Variants in SEL1L2 observed in about 807,000 individuals in gnomAD.
SEL1L2 encodes the protein protein sel-1 homolog 2.
Under a neutral mutation model 98.8 loss-of-function variants are expected in SEL1L2, and 89 were observed. The observed-to-expected ratio is 0.90, with a 90% CI of 0.76 to 1.07. SEL1L2 has a LOEUF of 1.07. Among genes scored for constraint, SEL1L2 ranks in the 50% least tolerant of loss-of-function variants. The pLI is 0.00. For missense variants in SEL1L2, 788 were observed against 812.0 expected (o/e 0.97, Z 0.36); for synonymous variants, 262 against 278.5 (o/e 0.94, Z 0.59).
intron 5 of SEL1L2, among the ~76,000 whole-genome samples, chr20:13,888,804 ATT>A (rs36004055): frequency 4.4e-5 from 6 of 135,044 alleles, no homozygotes; most frequent in Admixed American, 7.4e-5. Context: ...ACGCCCCGCT[ATT>A]TTTTTTTTTT....
At chr20:13,968,294 T>A (rs1251111542) in intron 1 of SEL1L2, among the ~76,000 whole-genome samples, 1 of 152,224 alleles carries the variant, frequency 6.6e-6, no homozygotes, top group Admixed American at 6.5e-5. Flanking sequence ...TCCAGAAGCC[T>A]AATTACCTCC....
At chr20:13,974,944 T>C (rs1014070706) in intron 1 of SEL1L2, among the ~76,000 whole-genome samples, 1 of 152,162 alleles carries the variant, frequency 6.6e-6, no homozygotes. Flanking sequence ...GTTTTCTTGT[T>C]TTTTTCTCCC....
chr20:13,883,920 A>C (rs1198663256), intron 10 of SEL1L2, among the ~76,000 whole-genome samples: 3 of 152,228 alleles, frequency 2.0e-5, no homozygotes, highest in Non-Finnish European at 2.9e-5. Flanking sequence ...GACAGAGTAA[A>C]ATTATGAATC....
At chr20:13,979,678 T>C (rs2051715376) in intron 1 of SEL1L2, among the ~76,000 whole-genome samples, 1 of 152,166 alleles carries the variant, frequency 6.6e-6, no homozygotes, top group African/African-American at 2.4e-5. Context: ...ATCTAGTTAC[T>C]TACAAATAAA....
chr20:13,988,071 C>T (rs2052327406), intron 1 of SEL1L2, among the ~76,000 whole-genome samples: 1 of 152,020 alleles, frequency 6.6e-6, no homozygotes, highest in Admixed American at 6.5e-5. Context: ...AAGATTTATG[C>T]CTATGTTTTC....
At chr20:13,862,749 G>A (rs1354428988) in intron 17 of SEL1L2, among the ~76,000 whole-genome samples, 2 of 151,926 alleles carry the variant, frequency 1.3e-5, no homozygotes, top group East Asian at 1.9e-4. Context: ...GTGCAGTGAT[G>A]TGATCACGGC....
intron 1 of SEL1L2, among the ~76,000 whole-genome samples, chr20:13,989,209 A>C (rs1237806923): frequency 6.6e-6 from 1 of 152,076 alleles, no homozygotes; most frequent in African/African-American, 2.4e-5. Context: ...TTTTTGTAAA[A>C]TTTATTCTTA....
At chr20:13,878,469 G>A (rs938638759) in intron 10 of SEL1L2, among the ~76,000 whole-genome samples, 1 of 152,080 alleles carries the variant, frequency 6.6e-6, no homozygotes, top group Admixed American at 6.5e-5. Flanking sequence ...ACAATGCCTG[G>A]CTATGAAGCC....
At chr20:13,986,513 G>A (rs1020338827) in intron 1 of SEL1L2, among the ~76,000 whole-genome samples, 2 of 151,448 alleles carry the variant, frequency 1.3e-5, no homozygotes, top group East Asian at 1.9e-4. Flanking sequence ...CTTTTGTCTC[G>A]CTTTTTTCAT....
At chr20:13,882,688 A>C (rs1373845791) in intron 10 of SEL1L2, among the ~76,000 whole-genome samples, 1 of 152,228 alleles carries the variant, frequency 6.6e-6, no homozygotes, top group African/African-American at 2.4e-5. Flanking sequence ...AGCTGAGGCT[A>C]ACCAAAATTG....
chr20:13,886,658 C>T (rs1201781165), intron 8 of SEL1L2, among the ~76,000 whole-genome samples: 7 of 152,014 alleles, frequency 4.6e-5, no homozygotes, highest in South Asian at 2.1e-4. Context: ...GAGGCAGAGG[C>T]GGGCAAATCA....
chr20:13,989,444 C>G (rs1183000839), intron 1 of SEL1L2, among the ~76,000 whole-genome samples: 1 of 152,150 alleles, frequency 6.6e-6, no homozygotes, highest in Admixed American at 6.5e-5. Flanking sequence ...TCTTTCCAAG[C>G]TTGATATCTT....
intron 8 of SEL1L2, among the ~76,000 whole-genome samples, chr20:13,887,240 T>C (rs1289655780): frequency 2.0e-5 from 3 of 152,220 alleles, no homozygotes; most frequent in Admixed American, 2.0e-4. Flanking sequence ...ATACAGCATC[T>C]TAAATTCAAA....
At chr20:13,900,152 G>A (rs1364614119) in intron 5 of SEL1L2, among the ~76,000 whole-genome samples, 2 of 152,098 alleles carry the variant, frequency 1.3e-5, no homozygotes, top group Admixed American at 6.5e-5. Flanking sequence ...CATAGTTATA[G>A]GTCTAGTCAA....
At chr20:13,939,043 T>TTTTTTTTTTTTTTTTTTTTTTTTC (rs1569006493) in intron 2 of SEL1L2, among the ~76,000 whole-genome samples, 2 of 117,630 alleles carry the variant, frequency 1.7e-5, no homozygotes, top group East Asian at 5.2e-4. Context: ...TTGTTTTGTT[T>TTTTTTTTTTTTTTTTTTTTTTTTC]TTTTTTTTTT....
intron 2 of SEL1L2, among the ~76,000 whole-genome samples, chr20:13,937,717 A>T (rs1174866059): frequency 1.3e-5 from 2 of 152,118 alleles, no homozygotes; most frequent in Admixed American, 1.3e-4. Context: ...CTACTCAATT[A>T]TTTATAGACA....
rs1339134247 is a variant in SEL1L2 at position 13,888,459 on chromosome 20, CT to C, written c.602del (p.Lys201ArgfsTer3). On this transcript the variant is annotated frameshift_variant and splice_region_variant, in exon 6 of 20. Transcript: ENST00000284951. LOFTEE classifies it high-confidence loss of function. ...CAGAATAAAACAGAATGATCTTTAC[CT>C]TAGCTTGATCATATTCCATTCCTAT... is the stretch of plus-strand genomic sequence containing the variant. The part of the protein sequence containing the change: ...YGIGMEYDQA[K>X]ALIYYTFGSA... 1 of 1,555,154 alleles carries C rather than the reference CT, an allele frequency of 6.4e-7. No individual in the cohort carries two copies. The highest frequency in any genetic ancestry group is 2.3e-5 in the East Asian group (1 of 44,364).
chr20:13,987,135 C>T (rs1242540010), intron 1 of SEL1L2, among the ~76,000 whole-genome samples: 1 of 151,366 alleles, frequency 6.6e-6, no homozygotes, highest in Non-Finnish European at 1.5e-5. Context: ...CCGGCCTCTC[C>T]ATTACTTTTA....
At chr20:13,945,956 C>T (rs1419834513) in intron 2 of SEL1L2, among the ~76,000 whole-genome samples, 1 of 151,974 alleles carries the variant, frequency 6.6e-6, no homozygotes, top group African/African-American at 2.4e-5. Context: ...TAAATAAAGA[C>T]CATATATGAA....
Sources: allele counts gnomAD v4.1 joint callset (sites outside exome capture counted in the v4.1 genomes callset), GRCh38; gene constraint gnomAD v4.1.1; transcripts MANE v1.5; gene names NCBI Gene and HGNC (gene_info 2026-07-23, HGNC 2026-07-21).